EID3: variants seen among roughly 807,000 people sequenced by gnomAD.
EID3 encodes the protein EP300-interacting inhibitor of differentiation 3.
A neutral mutation model predicts 1.6 loss-of-function variants in EID3; 3 were observed. That is an observed-to-expected ratio of 1.87 (90% CI 0.85 to 4.83). The LOEUF (loss-of-function observed/expected upper bound fraction) is 4.83. Ranked by LOEUF, EID3 falls within the 30% of genes most tolerant of loss-of-function variation. The pLI, the probability that EID3 is intolerant of heterozygous loss-of-function variation, is 0.02. For missense variants in EID3, 471 were observed against 409.9 expected (o/e 1.15, Z -1.29); for synonymous variants, 164 against 148.1 (o/e 1.11, Z -0.78).
chr12:104,303,759 C>CTTT lies in EID3; in HGVS notation c.-175_-174insTTT. On this transcript the variant is annotated 5_prime_UTR_variant, in exon 1 of 1. The change abolishes the stop of an existing upstream ORF in the 5' untranslated region. Transcript: ENST00000527879. Reference sequence around the variant, plus strand: ...TGCGCATGGGCGGGCGTCCTCGGCTCTAACTGCCGCCACTTTCCACACGCT... The same window carrying CTTT: ...TGCGCATGGGCGGGCGTCCTCGGCTCTTTTAACTGCCGCCACTTTCCACACGCT... The CTTT allele has an allele frequency of 8.9e-7, 1 of 1,128,514 alleles. No individual in the cohort carries two copies. 69.9% of individuals were successfully genotyped at this position (1,128,514 alleles called of 1,614,324 possible).
rs1565890090 is a variant in EID3, at chr12:104,304,848, G to GAGTT, written c.916_919dup (p.Ile307SerfsTer17). ...TCCAGTTGCCATGGCAGGAAACAGG[G>GAGTT]AGTTATATCTTTGACTTTACAGGAG... is the stretch of plus-strand genomic sequence containing the variant. On this transcript the variant is annotated frameshift_variant, in exon 1 of 1. Coordinates refer to ENST00000527879, the MANE Select transcript of EID3 (RefSeq NM_001008394.3). LOFTEE classifies it high-confidence loss of function. 1 of 1,613,964 alleles carries GAGTT rather than the reference G, an allele frequency of 6.2e-7. No individual in the cohort carries two copies.
chr12:104,303,912 AGGC>A lies in EID3; in HGVS notation c.-14_-12del, dbSNP rs1354596203. The A allele has an allele frequency of 6.4e-7, 1 of 1,561,764 alleles. No homozygotes were observed. Among genetic ancestry groups the A allele is most frequent in the Non-Finnish European group, 8.6e-7 (1 of 1,159,484 alleles). On this transcript the variant is annotated 5_prime_UTR_variant, in exon 1 of 1. Transcript: ENST00000527879. ...CCCGGTAGCGAGTACGCGGCGAAGT[AGGC>A]GGCGGCGGAGGGAGCGCTGATGAAG...
chr12:104,304,869 A>G lies in EID3; in HGVS notation c.935A>G (p.Gln312Arg), dbSNP rs1456606651. Residue 312 changes from glutamine to arginine, a missense_variant, in exon 1 of 1, where the codon CAG becomes CGG. By Grantham distance (43) the Gln-to-Arg change is conservative. Transcript: ENST00000527879. The stretch of plus-strand genomic sequence containing the variant: ...CAGGGAGTTATATCTTTGACTTTAC[A>G]GGAGTGGAAAAACATTGTGGCAGCT... The part of the protein sequence containing the change: ...RKQGVISLTL[Q>R]EWKNIVAAFE... 1.9e-6 allele frequency: 3 copies of G among 1,613,304 alleles called. No homozygotes were observed. The highest frequency in any genetic ancestry group is 2.2e-5 in the East Asian group (1 of 44,876).
In EID3 at chr12:104,303,938, A is replaced by C; in HGVS notation, c.4A>C (p.Lys2Gln). The change falls in exon 1 of 1, where the codon AAG (lysine) becomes CAG (glutamine). Residue 2 changes from lysine (K) to glutamine (Q), a missense_variant. Coordinates refer to ENST00000527879, the MANE Select transcript of EID3 (RefSeq NM_001008394.3). M[K>Q]MDVSVRAAGC... is the part of the protein sequence containing the mutation. ...GGCGGCGGCGGAGGGAGCGCTGATG[A>C]AGATGGATGTGTCAGTGAGGGCCGC... 6.3e-7 allele frequency: 1 copy of C among 1,590,084 alleles called. No individual in the cohort carries two copies. The highest frequency in any genetic ancestry group is 8.5e-7 in the Non-Finnish European group (1 of 1,172,476).
At position 104,305,095 on chromosome 12, in the gene EID3, T is replaced by A; in HGVS notation, c.*159T>A. ...TGTGCAGCATATTTTTCTTAGTAATTTATAAGGTCATGATCTTCTGTTATT... is the reference window on the plus strand; with the variant it reads ...TGTGCAGCATATTTTTCTTAGTAATATATAAGGTCATGATCTTCTGTTATT... On this transcript the variant is annotated 3_prime_UTR_variant, in exon 1 of 1. Coordinates refer to ENST00000527879, the MANE Select transcript of EID3 (RefSeq NM_001008394.3). 1.3e-6 allele frequency: 1 copy of A among 757,910 alleles called. No individual in the cohort carries two copies. The highest frequency in any genetic ancestry group is 2.0e-6 in the Non-Finnish European group (1 of 506,718). 46.9% of individuals were successfully genotyped at this position (757,910 alleles called of 1,614,324 possible). A position where few individuals can be genotyped will look rare whatever the true frequency, so the allele number is the denominator to read the frequency against.
Position 104,304,522 on chromosome 12 carries a change from A to T in EID3, c.588A>T (p.Glu196Asp). The T allele has an allele frequency of 6.2e-7, 1 of 1,614,064 alleles. No individual in the cohort carries two copies. The highest frequency in any genetic ancestry group is 1.3e-5 in the African/African-American group (1 of 75,062). ...LEHQKKVRKM[E>D]ENGNMPTKLQ... Reference sequence around the variant, plus strand: ...ACCAGAAAAAAGTTCGCAAGATGGAAGAAAATGGCAACATGCCTACAAAGT... The same window carrying T: ...ACCAGAAAAAAGTTCGCAAGATGGATGAAAATGGCAACATGCCTACAAAGT... The change falls in exon 1 of 1, where the codon GAA becomes GAT. Residue 196 changes from glutamate to aspartate, a missense_variant. Coordinates refer to ENST00000527879, the MANE Select transcript of EID3 (RefSeq NM_001008394.3).
Position 104,305,128 on chromosome 12 carries a change from A to G in EID3, c.*192A>G. 1.9e-6 allele frequency: 1 copy of G among 539,260 alleles called. No homozygotes were observed. Among genetic ancestry groups the G allele is most frequent in the South Asian group, 4.9e-5 (1 of 20,542 alleles). 33.4% of individuals were successfully genotyped at this position (539,260 alleles called of 1,614,324 possible). A position where few individuals can be genotyped will look rare whatever the true frequency, so the allele number is the denominator to read the frequency against. On this transcript the variant is annotated 3_prime_UTR_variant, in exon 1 of 1. Transcript: ENST00000527879. ...TCATGATCTTCTGTTATTAAAACAA[A>G]TTCACTGGCATATTTATGGGAACGT...
Position 104,304,352 on chromosome 12 carries a change from A to C in EID3, c.418A>C (p.Ser140Arg). Residue 140 changes from serine to arginine, a missense_variant, in exon 1 of 1, where the codon AGT becomes CGT. Coordinates refer to ENST00000527879, the MANE Select transcript of EID3 (RefSeq NM_001008394.3). ...NWMEGDPDKL[S>R]DCDDSIALSF... ...GATGGAAGGCGATCCTGACAAGTTG[A>C]GTGATTGTGATGATAGCATAGCTCT... 2 of 1,613,972 alleles carry C rather than the reference A, an allele frequency of 1.2e-6. No homozygotes were observed. The highest frequency in any genetic ancestry group is 1.7e-6 in the Non-Finnish European group (2 of 1,179,888).
rs746261186 is a variant in EID3 at position 104,304,906 on chromosome 12, T to C, written c.972T>C (p.Ser324=). 2.4e-5 allele frequency: 38 copies of C among 1,610,474 alleles called. No homozygotes were observed. The Admixed American group carries it at 6.3e-4, about 26-fold the overall frequency. Residue 324 remains serine, a synonymous_variant, in exon 1 of 1, where the codon TCT becomes TCC. Transcript: ENST00000527879. ...ACATTGTGGCAGCTTTTGAAATTTC[T>C]GAGGCTATGATTACATACTCCTCAT... ...WKNIVAAFEI[S]EAMITYSSY
rs189094565 is a variant in EID3 at position 104,305,017 on chromosome 12, G to T, written c.*81G>T. 1 of 1,359,412 alleles carries T rather than the reference G, an allele frequency of 7.4e-7. No homozygotes were observed. Among genetic ancestry groups the T allele is most frequent in the Non-Finnish European group, 9.9e-7 (1 of 1,010,702 alleles). 84.2% of individuals were successfully genotyped at this position (1,359,412 alleles called of 1,614,324 possible). A position where few individuals can be genotyped will look rare whatever the true frequency, so the allele number is the denominator to read the frequency against. Reference sequence around the variant, plus strand: ...TAAAATGTAAACTGAAGCACATATTGTATCTCTTGTAAAGTGAAAAAGTAT... The same window carrying T: ...TAAAATGTAAACTGAAGCACATATTTTATCTCTTGTAAAGTGAAAAAGTAT... On this transcript the variant is annotated 3_prime_UTR_variant, in exon 1 of 1. Coordinates refer to ENST00000527879, the MANE Select transcript of EID3 (RefSeq NM_001008394.3).
In EID3 at chr12:104,303,912, A is replaced by AGGC; in HGVS notation, c.-14_-12dup. 6.4e-7 allele frequency: 1 copy of AGGC among 1,561,774 alleles called. No homozygotes were observed. The highest frequency in any genetic ancestry group is 8.6e-7 in the Non-Finnish European group (1 of 1,159,486). Reference sequence around the variant, plus strand: ...CCCGGTAGCGAGTACGCGGCGAAGTAGGCGGCGGCGGAGGGAGCGCTGATG... The same window carrying AGGC: ...CCCGGTAGCGAGTACGCGGCGAAGTAGGCGGCGGCGGCGGAGGGAGCGCTGATG... On this transcript the variant is annotated 5_prime_UTR_variant, in exon 1 of 1. Transcript: ENST00000527879.
In EID3 at chr12:104,303,994, G is replaced by T; in HGVS notation, c.60G>T (p.Glu20Asp). The part of the protein sequence containing the change: ...AGCSDDLSSG[E>D]ADVDPKLLEL... ...GCTCCGACGACCTCAGCTCTGGGGA[G>T]GCCGACGTAGACCCAAAGCTCCTGG... The change falls in exon 1 of 1, where the codon GAG (glutamate) becomes GAT (aspartate). Residue 20 changes from glutamate to aspartate, a missense_variant. Physicochemically the swap from Glu to Asp is conservative, Grantham distance 45 (BLOSUM62 2). Transcript: ENST00000527879. The T allele has an allele frequency of 6.2e-7, 1 of 1,609,362 alleles. No homozygotes were observed. Among genetic ancestry groups the T allele is most frequent in the South Asian group, 1.1e-5 (1 of 91,032 alleles).
chr12:104,304,966 T>C lies in EID3; in HGVS notation c.*30T>C. 6.5e-7 allele frequency: 1 copy of C among 1,532,604 alleles called. No homozygotes were observed. The allele number at this position is 1,532,604 out of a possible 1,614,324, so 94.9% of individuals were successfully genotyped here. On this transcript the variant is annotated 3_prime_UTR_variant, in exon 1 of 1. Transcript: ENST00000527879. ...TTCTTAGTATAGCATCCTTTTTGTG[T>C]TTTTTTTCTGAAGTTAGATGGAGAG...
rs761943719 is a variant in EID3, at chr12:104,304,511, C to A, written c.577C>A (p.Arg193Ser). Residue 193 changes from arginine to serine, a missense_variant, in exon 1 of 1, where the codon CGC (arginine) becomes AGC (serine). Physicochemically the swap from Arg to Ser is moderately radical, Grantham distance 110. Coordinates refer to ENST00000527879, the MANE Select transcript of EID3 (RefSeq NM_001008394.3). ...KPRLEHQKKV[R>S]KMEENGNMPT... ...CCGACTTGAACACCAGAAAAAAGTT[C>A]GCAAGATGGAAGAAAATGGCAACAT... The A allele has an allele frequency of 3.1e-6, 5 of 1,613,870 alleles. No homozygotes were observed. The highest frequency in any genetic ancestry group is 3.4e-6 in the Non-Finnish European group (4 of 1,179,878).
Position 104,304,546 on chromosome 12 carries a change from GT to G in EID3, c.614del (p.Leu205CysfsTer6). 6.2e-7 allele frequency: 1 copy of G among 1,614,002 alleles called. No individual in the cohort carries two copies. Among genetic ancestry groups the G allele is most frequent in the East Asian group, 2.2e-5 (1 of 44,888 alleles). On this transcript the variant is annotated frameshift_variant, in exon 1 of 1. Transcript: ENST00000527879. LOFTEE classifies it low-confidence loss of function (END_TRUNC). ...MEENGNMPTK[L>X]QKLDLSSYPE... is the part of the protein sequence containing the mutation. ...AAGAAAATGGCAACATGCCTACAAA[GT>G]TGCAGAAGTTGGACCTGAGTAGTTA... is the stretch of plus-strand genomic sequence containing the variant.
chr12:104,303,781 C>A lies in EID3; in HGVS notation c.-154C>A. 7.9e-7 allele frequency: 1 copy of A among 1,268,116 alleles called. No homozygotes were observed. Among genetic ancestry groups the A allele is most frequent in the Non-Finnish European group, 1.0e-6 (1 of 956,364 alleles). 78.6% of individuals were successfully genotyped at this position (1,268,116 alleles called of 1,614,324 possible). A position where few individuals can be genotyped will look rare whatever the true frequency, so the allele number is the denominator to read the frequency against. ...GCTCTAACTGCCGCCACTTTCCACA[C>A]GCTGGGAGGGCCGTTACCTCAGAGA... On this transcript the variant is annotated 5_prime_UTR_variant, in exon 1 of 1. Transcript: ENST00000527879.
In EID3 at chr12:104,304,184, A is replaced by G. The variant is rs761781785; in HGVS notation, c.250A>G (p.Arg84Gly). 1 of 1,614,096 alleles carries G rather than the reference A, an allele frequency of 6.2e-7. No homozygotes were observed. Among genetic ancestry groups the G allele is most frequent in the Non-Finnish European group, 8.5e-7 (1 of 1,179,906 alleles). The change falls in exon 1 of 1, where the codon AGA (arginine) becomes GGA (glycine). Residue 84 changes from arginine (R) to glycine (G), a missense_variant. Physicochemically the swap from Arg to Gly is moderately radical, Grantham distance 125 (BLOSUM62 -2). Transcript: ENST00000527879. ...CCTCTTTGATGGCGTGAGCCGAACCAGAGAAGCAGCCCTCGACGCCCGGTT... is the reference window on the plus strand; with the variant it reads ...CCTCTTTGATGGCGTGAGCCGAACCGGAGAAGCAGCCCTCGACGCCCGGTT... ...NVLFDGVSRT[R>G]EAALDARFLV...
At position 104,303,770 on chromosome 12, in the gene EID3, C is replaced by G. The variant is rs536979538; in HGVS notation, c.-165C>G. 1 of 1,203,358 alleles carries G rather than the reference C, an allele frequency of 8.3e-7. No homozygotes were observed. Among genetic ancestry groups the G allele is most frequent in the South Asian group, 1.7e-5 (1 of 59,760 alleles). 74.5% of individuals were successfully genotyped at this position (1,203,358 alleles called of 1,614,324 possible). ...GGGCGTCCTCGGCTCTAACTGCCGCCACTTTCCACACGCTGGGAGGGCCGT... is the reference window on the plus strand; with the variant it reads ...GGGCGTCCTCGGCTCTAACTGCCGCGACTTTCCACACGCTGGGAGGGCCGT... On this transcript the variant is annotated 5_prime_UTR_variant, in exon 1 of 1. Transcript: ENST00000527879.
chr12:104,305,032 T>A lies in EID3; in HGVS notation c.*96T>A. ...AGCACATATTGTATCTCTTGTAAAG[T>A]GAAAAAGTATTTTCAAGAACATCAG... On this transcript the variant is annotated 3_prime_UTR_variant, in exon 1 of 1. Coordinates refer to ENST00000527879, the MANE Select transcript of EID3 (RefSeq NM_001008394.3). 1 of 1,266,102 alleles carries A rather than the reference T, an allele frequency of 7.9e-7. No individual in the cohort carries two copies. Among genetic ancestry groups the A allele is most frequent in the Non-Finnish European group, 1.1e-6 (1 of 937,852 alleles). 78.4% of individuals were successfully genotyped at this position (1,266,102 alleles called of 1,614,324 possible).
Sources: gnomAD v4.1 joint callset for allele counts on GRCh38, gnomAD v4.1.1 for gene constraint, MANE v1.5 for transcripts, NCBI Gene and HGNC (gene_info 2026-07-23, HGNC 2026-07-21) for gene names.